Variants in G3BP1 observed in about 807,000 individuals in gnomAD.
G3BP1 encodes ras GTPase-activating protein-binding protein 1.
G3BP1 carries 35 observed loss-of-function variants against 58.6 expected under a neutral mutation model. That is an observed-to-expected ratio of 0.60 (90% CI 0.46 to 0.79). G3BP1 has a LOEUF of 0.79. G3BP1 is among the 30% of genes least tolerant of loss of function. G3BP1 has a pLI of 0.00. For synonymous variants in G3BP1, 191 were observed against 195.4 expected, an observed-to-expected ratio of 0.98 and a Z score of 0.19; for missense variants, 523 against 580.8, an observed-to-expected ratio of 0.90 and a Z score of 1.02.
intron 2 of G3BP1, among the ~76,000 whole-genome samples, chr5:151,790,039 G>A (rs2113233092): frequency 6.6e-6 from 1 of 151,418 alleles, no homozygotes; most frequent in Non-Finnish European, 1.5e-5. Flanking sequence ...CAGGCATGGT[G>A]GCATGTGACT....
chr5:151,801,896 C>A (rs1469733300), intron 11 of G3BP1, among the ~76,000 whole-genome samples: 1 of 151,944 alleles, frequency 6.6e-6, no homozygotes, highest in Non-Finnish European at 1.5e-5. Flanking sequence ...CTCACTGCAA[C>A]CTCCACATCC....
rs1354550838 is a variant in G3BP1 at position 151,804,142 on chromosome 5, G to C, written c.*51G>C. 2 of 1,326,598 alleles carry C rather than the reference G, an allele frequency of 1.5e-6. No homozygotes were observed. The highest frequency in any genetic ancestry group is 2.1e-6 in the Non-Finnish European group (2 of 951,976). The allele number at this position is 1,326,598 out of a possible 1,614,324, so 82.2% of individuals were successfully genotyped here. On this transcript the variant is annotated 3_prime_UTR_variant, in exon 12 of 12. Coordinates refer to ENST00000356245, the MANE Select transcript of G3BP1 (RefSeq NM_005754.3). ...TACAAACCCTGGTTCCAACAGAATG[G>C]TGAATTTTCGACAGCCTTTGGTATC...
At chr5:151,781,216 C>A (rs1280671350) in intron 1 of G3BP1, among the ~76,000 whole-genome samples, 3 of 152,082 alleles carry the variant, frequency 2.0e-5, no homozygotes, top group Non-Finnish European at 4.4e-5. Flanking sequence ...TCAAAATGAA[C>A]CCACACAAAC....
chr5:151,788,035 C>T (rs1762580559), intron 2 of G3BP1, among the ~76,000 whole-genome samples: 1 of 151,816 alleles, frequency 6.6e-6, no homozygotes. Flanking sequence ...GACGATCCTC[C>T]CACCTCAGCC....
At position 151,804,383 on chromosome 5, in the gene G3BP1, G is replaced by T. The variant is rs1198268722; in HGVS notation, c.*292G>T. ...CTTGCTTACTTTGCATATACAGACT[G>T]GATTTTTTTTTTTTTTTTACAGCCA... is the stretch of plus-strand genomic sequence containing the variant. On this transcript the variant is annotated 3_prime_UTR_variant, in exon 12 of 12. Transcript: ENST00000356245. 7.2e-6 allele frequency: 2 copies of T among 278,998 alleles called. No individual in the cohort carries two copies. The highest frequency in any genetic ancestry group is 6.1e-5 in the East Asian group (1 of 16,496). 17.3% of individuals were successfully genotyped at this position (278,998 alleles called of 1,614,324 possible).
At chr5:151,797,184 T>C (rs373955869) in intron 6 of G3BP1, 43 bp from the exon 7 acceptor site, 27 of 1,595,520 alleles carry the variant, frequency 1.7e-5, no homozygotes, top group East Asian at 1.6e-4. Context: ...TTTTGTGAAA[T>C]AAATGGTGGC....
intron 5 of G3BP1, among the ~76,000 whole-genome samples, chr5:151,795,162 G>A (rs763449811): frequency 2.0e-5 from 3 of 152,196 alleles, no homozygotes; most frequent in African/African-American, 2.4e-5. Flanking sequence ...CTTAGTCCTA[G>A]CTATTCGGGA....
chr5:151,787,389 A>G (rs1184282056), intron 2 of G3BP1: 1 of 152,294 alleles, frequency 6.6e-6, no homozygotes, highest in Non-Finnish European at 1.5e-5. Flanking sequence ...TGTCTTTAGT[A>G]GAAATGATGC....
At chr5:151,778,537 G>A (rs1762412948) in intron 1 of G3BP1, among the ~76,000 whole-genome samples, 1 of 152,026 alleles carries the variant, frequency 6.6e-6, no homozygotes, top group South Asian at 2.1e-4. Flanking sequence ...TGCCTCCTGG[G>A]TTTAGGTGAT....
At chr5:151,785,594 G>C (rs952777931) in intron 1 of G3BP1, among the ~76,000 whole-genome samples, 1 of 152,164 alleles carries the variant, frequency 6.6e-6, no homozygotes, top group Non-Finnish European at 1.5e-5. Flanking sequence ...TTTTTATTCA[G>C]AAAGTGTTTT....
At chr5:151,775,366 G>T (rs1256582806) in intron 1 of G3BP1, among the ~76,000 whole-genome samples, 1 of 152,216 alleles carries the variant, frequency 6.6e-6, no homozygotes, top group Admixed American at 6.5e-5. Context: ...TGCATATTTA[G>T]AGAGTGCTTT....
chr5:151,778,999 G>T (rs532091042), intron 1 of G3BP1, among the ~76,000 whole-genome samples: 2 of 151,998 alleles, frequency 1.3e-5, no homozygotes, highest in East Asian at 3.9e-4. Flanking sequence ...GGAGGTTGCG[G>T]TGAGCGCCAC....
chr5:151,773,592 ATCT>A (rs913066792), intron 1 of G3BP1, among the ~76,000 whole-genome samples: 48 of 152,334 alleles, frequency 3.2e-4, no homozygotes, highest in African/African-American at 1.1e-3. Context: ...AGTGAAATAA[ATCT>A]TCTATGTTAT....
chr5:151,781,337 A>G (rs1004149420), intron 1 of G3BP1, among the ~76,000 whole-genome samples: 24 of 152,260 alleles, frequency 1.6e-4, no homozygotes, highest in African/African-American at 5.5e-4. Flanking sequence ...ATACTGTACT[A>G]TAATTTTTTT....
At chr5:151,792,290 T>G in intron 4 of G3BP1, 1 of 231,602 alleles carries the variant, frequency 4.3e-6, no homozygotes, top group South Asian at 4.3e-5. Context: ...AGCATTAATC[T>G]TAAGTTTTCT....
intron 1 of G3BP1, among the ~76,000 whole-genome samples, chr5:151,779,566 A>T (rs35901401): frequency 2.6e-5 from 4 of 152,198 alleles, no homozygotes; most frequent in Non-Finnish European, 4.4e-5. Flanking sequence ...GTATTTGTGT[A>T]TACTAAAAAC....
chr5:151,788,839 G>A (rs575208307), intron 2 of G3BP1, among the ~76,000 whole-genome samples: 4 of 151,580 alleles, frequency 2.6e-5, no homozygotes, highest in Non-Finnish European at 4.4e-5. Context: ...GTGCAGTGGC[G>A]CTATCTCGGC....
rs1436809137 is a variant in G3BP1, at chr5:151,786,702, G to C, written c.82G>C (p.Asp28His). ...TTACACACTGCTGAACCAGGCCCCA[G>C]ACATGCTGCATAGGTAAGACATTTT... ...QYYTLLNQAP[D>H]MLHRFYGKNS... Residue 28 changes from aspartate (D) to histidine (H), a missense_variant, in exon 2 of 12, where the codon GAC becomes CAC. Physicochemically the swap from Asp to His is moderately conservative, Grantham distance 81. This residue lies in a region of G3BP1 where 398 missense variants were observed against 399.1 expected (regional missense o/e 1.00). Coordinates refer to ENST00000356245, the MANE Select transcript of G3BP1 (RefSeq NM_005754.3). 5 of 1,604,592 alleles carry C rather than the reference G, an allele frequency of 3.1e-6. No individual in the cohort carries two copies. Among genetic ancestry groups the C allele is most frequent in the African/African-American group, 1.3e-5 (1 of 74,694 alleles).
chr5:151,795,006 G>A (rs772441059), intron 5 of G3BP1, among the ~76,000 whole-genome samples: 12 of 152,178 alleles, frequency 7.9e-5, no homozygotes, highest in Admixed American at 1.3e-4. Flanking sequence ...GGCTGGGCGC[G>A]GTGGCTCACG....
Sources: gnomAD v4.1 joint callset for allele counts (sites outside exome capture counted in the v4.1 genomes callset) on GRCh38, gnomAD v4.1.1 for gene constraint, gnomAD v4.1.1 regional missense constraint, MANE v1.5 for transcripts, NCBI Gene and HGNC (gene_info 2026-07-23, HGNC 2026-07-21) for gene names.